GRIN2D: variants seen among roughly 807,000 people sequenced by gnomAD.
GRIN2D encodes the protein glutamate ionotropic receptor NMDA type subunit 2D, also known as glutamate receptor ionotropic, NMDA 2D.
Under a neutral mutation model 103.2 loss-of-function variants are expected in GRIN2D, and 37 were observed. That is an observed-to-expected ratio of 0.36 (90% confidence interval 0.28 to 0.47). GRIN2D has a LOEUF of 0.47. Among genes scored for constraint, GRIN2D ranks in the 20% least tolerant of loss-of-function variants. The probability of loss-of-function intolerance (pLI) is 1.00; values close to 1 mark genes in which losing one functional copy is unlikely to be tolerated. For synonymous variants in GRIN2D, 845 were observed against 885.6 expected, an observed-to-expected ratio of 0.95 and a Z score of 0.81; for missense variants, 1,557 against 1,910.6, an observed-to-expected ratio of 0.81 and a Z score of 3.45.
chr19:48,396,536 T>G (rs1600965956), intron 2 of GRIN2D, among the ~76,000 whole-genome samples: 1 of 136,824 alleles, frequency 7.3e-6, no homozygotes, highest in African/African-American at 2.8e-5. Flanking sequence ...GCCACAGCTG[T>G]GGGTTATTTT....
intron 3 of GRIN2D, 44 bp downstream of exon 3, chr19:48,398,901 A>C (rs1970676548): frequency 7.2e-6 from 9 of 1,255,298 alleles, no homozygotes; most frequent in Non-Finnish European, 8.0e-6. Context: ...AGGGGCGGGG[A>C]CAGCCGCTGA....
rs1463726796 is a variant in GRIN2D, at chr19:48,435,744, G to C, written c.2253-6025G>C. Among the ~76,000 whole-genome samples the C allele has an allele frequency of 3.3e-5, 5 of 152,328 alleles. No homozygotes were observed. In the South Asian group the frequency reaches 1.0e-3, roughly 32 times the overall value. ...TTAGAAGCATGAGCCACCACACCCA[G>C]CCGTCCAGCCATTTCTTAGTAAGCA... On this transcript the variant is annotated intron_variant, in intron 11 of 13. Coordinates refer to ENST00000263269, the MANE Select transcript of GRIN2D (RefSeq NM_000836.4).
intron 3 of GRIN2D, among the ~76,000 whole-genome samples, chr19:48,402,522 C>A (rs1051246672): frequency 1.3e-5 from 2 of 150,968 alleles, no homozygotes; most frequent in African/African-American, 4.9e-5. Flanking sequence ...TCGAGACCAT[C>A]CTGGCTAACA....
In GRIN2D at chr19:48,437,327, C is replaced by T. The variant is rs1479744806; in HGVS notation, c.2253-4442C>T. Among the ~76,000 whole-genome samples, 2 of 152,152 alleles carry T rather than the reference C, an allele frequency of 1.3e-5. 1 individual carries two copies. The highest frequency in any genetic ancestry group is 4.2e-4 in the South Asian group (2 of 4,816). The stretch of plus-strand genomic sequence containing the variant: ...GTAGAGACAGGTCTCCCTTTGTTGC[C>T]CAAGCTGGTCTCGAACTCCTGGACC... On this transcript the variant is annotated intron_variant, in intron 11 of 13. Coordinates refer to ENST00000263269, the MANE Select transcript of GRIN2D (RefSeq NM_000836.4).
chr19:48,436,694 G>A (rs1330872227), intron 11 of GRIN2D, among the ~76,000 whole-genome samples: 2 of 152,220 alleles, frequency 1.3e-5, no homozygotes, highest in East Asian at 3.8e-4. Flanking sequence ...GCAAGATGGA[G>A]TCAGTCAGGC....
chr19:48,426,224 C>CTTTTTTTTTTTTTTCT lies in GRIN2D; in HGVS notation c.2252+4293_2252+4294insCTTTTTTTTTTTTTTT, dbSNP rs1555893888. ...TTTCTTTTTCTTTCTTTCTTTCTTT[C>CTTTTTTTTTTTTTTCT]TTTTTTTTTTTTTTTTTCTGAAACA... On this transcript the variant is annotated intron_variant, in intron 11 of 13. Transcript: ENST00000263269. 1.4e-3 allele frequency among the ~76,000 whole-genome samples: 168 copies of CTTTTTTTTTTTTTTCT among 120,054 alleles called. 2 individuals carry two copies. The highest frequency in any genetic ancestry group is 5.6e-3 in the African/African-American group (156 of 27,904). The allele number at this position is 120,054 out of a possible 152,430, so 78.8% of individuals were successfully genotyped here.
chr19:48,398,533 G>T lies in GRIN2D; in HGVS notation c.141G>T (p.Gly47=), dbSNP rs1162488051. 3.7e-6 allele frequency: 4 copies of T among 1,080,962 alleles called. No individual in the cohort carries two copies. Among genetic ancestry groups the T allele is most frequent in the Non-Finnish European group, 4.5e-6 (4 of 892,506 alleles). 67.0% of individuals were successfully genotyped at this position (1,080,962 alleles called of 1,614,324 possible). A position where few individuals can be genotyped will look rare whatever the true frequency, so the allele number is the denominator to read the frequency against. ...GAGGPGGGLG[G]ARPLNVALVF... ...GTGGGCCCGGCGGCGGCCTCGGCGG[G>T]GCGCGGCCGCTCAACGTGGCGCTCG... Residue 47 remains glycine (G), a synonymous_variant, in exon 3 of 14, where the codon GGG becomes GGT. Transcript: ENST00000263269.
chr19:48,443,513 G>A lies in GRIN2D; in HGVS notation c.3587G>A (p.Ser1196Asn). The change falls in exon 14 of 14, where the codon AGC becomes AAC. Residue 1196 changes from serine to asparagine, a missense_variant. Transcript: ENST00000263269. The surrounding 1 kb of genome is among the most constrained non-coding windows in gnomAD (Gnocchi z 8.9). Reference sequence around the variant, plus strand: ...CTGCTGCCGCCGCCGCGCCATCTCAGCTGCTCGCACGATGGCCTGGACGGC... The same window carrying A: ...CTGCTGCCGCCGCCGCGCCATCTCAACTGCTCGCACGATGGCCTGGACGGC... ...LELLPPPRHL[S>N]CSHDGLDGGW... 3 of 1,349,818 alleles carry A rather than the reference G, an allele frequency of 2.2e-6. No individual in the cohort carries two copies. In the African/African-American group the frequency reaches 4.6e-5, roughly 21 times the overall value. The allele number at this position is 1,349,818 out of a possible 1,614,324, so 83.6% of individuals were successfully genotyped here.
chr19:48,435,492 G>A (rs1470973968), intron 11 of GRIN2D, among the ~76,000 whole-genome samples: 2 of 152,048 alleles, frequency 1.3e-5, no homozygotes, highest in Non-Finnish European at 2.9e-5. Flanking sequence ...GTTTCGCCAT[G>A]TTGGCCAGGC....
In GRIN2D at chr19:48,443,178, C is replaced by G. The variant is rs767835297; in HGVS notation, c.3252C>G (p.Gly1084=). Residue 1084 remains glycine, a synonymous_variant, in exon 14 of 14, where the codon GGC becomes GGG. Transcript: ENST00000263269. The surrounding 1 kb of genome is among the most constrained non-coding windows in gnomAD (Gnocchi z 8.9). ...PGAGGAGGTG[G]AGGGAPAAPP... is the part of the protein sequence containing the mutation. ...CGGGCGGCGCGGGGGGCACGGGGGG[C>G]GCAGGCGGAGGAGCCCCGGCCGCTC... The G allele has an allele frequency of 1.5e-5, 16 of 1,069,390 alleles. No individual in the cohort carries two copies. The South Asian group carries it at 6.0e-4, about 40-fold the overall frequency. The allele number at this position is 1,069,390 out of a possible 1,614,324, so 66.2% of individuals were successfully genotyped here. A position where few individuals can be genotyped will look rare whatever the true frequency, so the allele number is the denominator to read the frequency against.
chr19:48,404,695 C>A, intron 3 of GRIN2D, 39 bp from the exon 4 acceptor site: 2 of 1,542,868 alleles, frequency 1.3e-6, no homozygotes, highest in Non-Finnish European at 1.7e-6. Flanking sequence ...ATAAGGTCCC[C>A]ACATCGGCAG....
intron 4 of GRIN2D, among the ~76,000 whole-genome samples, chr19:48,406,110 GA>G (rs1468419953): frequency 6.6e-6 from 1 of 152,210 alleles, no homozygotes; most frequent in African/African-American, 2.4e-5. Context: ...GAATTAGCTA[GA>G]CGTCTATTCT....
intron 3 of GRIN2D, among the ~76,000 whole-genome samples, chr19:48,403,693 G>C (rs149142803): frequency 5.9e-5 from 9 of 152,288 alleles, no homozygotes; most frequent in African/African-American, 2.2e-4. Flanking sequence ...AGAGAGGTAG[G>C]AGGAAAACCA....
chr19:48,443,465 G>A lies in GRIN2D; in HGVS notation c.3539G>A (p.Cys1180Tyr). 1 of 1,385,266 alleles carries A rather than the reference G, an allele frequency of 7.2e-7. No individual in the cohort carries two copies. Among genetic ancestry groups the A allele is most frequent in the East Asian group, 3.1e-5 (1 of 32,242 alleles). 85.8% of individuals were successfully genotyped at this position (1,385,266 alleles called of 1,614,324 possible). A position where few individuals can be genotyped will look rare whatever the true frequency, so the allele number is the denominator to read the frequency against. Residue 1180 changes from cysteine (C) to tyrosine (Y), a missense_variant, in exon 14 of 14, where the codon TGT (cysteine) becomes TAT (tyrosine). By Grantham distance (194) the Cys-to-Tyr change is radical. This residue lies in a region of GRIN2D where 632 missense variants were observed against 572.8 expected (regional missense o/e 1.10). Coordinates refer to ENST00000263269, the MANE Select transcript of GRIN2D (RefSeq NM_000836.4). The surrounding 1 kb of genome is among the most constrained non-coding windows in gnomAD (Gnocchi z 8.9). Reference sequence around the variant, plus strand: ...CGCAGCGGTCCGGCCGCCTGGCACTGTCGGCACTGCGCCAGCCTGGAGCTG... The same window carrying A: ...CGCAGCGGTCCGGCCGCCTGGCACTATCGGCACTGCGCCAGCCTGGAGCTG... The part of the protein sequence containing the change: ...PPRSGPAAWH[C>Y]RHCASLELLP...
chr19:48,407,275 T>C (rs565576726), intron 4 of GRIN2D, among the ~76,000 whole-genome samples: 2 of 152,026 alleles, frequency 1.3e-5, no homozygotes, highest in East Asian at 1.9e-4. Flanking sequence ...GCCCAGCTGG[T>C]TCTGTCTTTC....
Position 48,405,028 on chromosome 19 carries a change from G to A in GRIN2D, c.760G>A (p.Glu254Lys), listed in dbSNP as rs182928265. The change falls in exon 4 of 14, where the codon GAG becomes AAG. Residue 254 changes from glutamate to lysine, a missense_variant. Transcript: ENST00000263269. This position sits in a 1 kb window ranked among gnomAD's most constrained non-coding sequence, Gnocchi z 5.1. The part of the protein sequence containing the change: ...RLLFCAREEA[E>K]PVFRAAEEAG... ...GCTCTTCTGCGCCCGAGAGGAGGCC[G>A]AGCCCGTGTTCCGCGCAGCTGAGGA... 19 of 1,612,026 alleles carry A rather than the reference G, an allele frequency of 1.2e-5. No homozygotes were observed. The highest frequency in any genetic ancestry group is 1.6e-5 in the Non-Finnish European group (19 of 1,179,280).
chr19:48,439,535 C>T (rs1243258909), intron 11 of GRIN2D, among the ~76,000 whole-genome samples: 1 of 152,178 alleles, frequency 6.6e-6, no homozygotes, highest in African/African-American at 2.4e-5. Flanking sequence ...TGTAAAATGA[C>T]AGCAGTTGTA....
intron 11 of GRIN2D, among the ~76,000 whole-genome samples, chr19:48,428,517 C>A (rs902910469): frequency 6.6e-6 from 1 of 151,992 alleles, no homozygotes; most frequent in African/African-American, 2.4e-5. Flanking sequence ...CGTGTGCCAC[C>A]AAGCCCCGCT....
intron 11 of GRIN2D, among the ~76,000 whole-genome samples, chr19:48,424,393 C>A (rs1479625492): frequency 1.3e-5 from 2 of 150,420 alleles, no homozygotes; most frequent in Non-Finnish European, 2.9e-5. Context: ...GCCTCAGCCT[C>A]CCGAGTAGCT....
Sources: allele counts gnomAD v4.1 joint callset (sites outside exome capture counted in the v4.1 genomes callset), GRCh38; gene constraint gnomAD v4.1.1; regional missense constraint gnomAD v4.1.1; non-coding constraint Gnocchi (gnomAD v3.1); transcripts MANE v1.5; gene names NCBI Gene and HGNC (gene_info 2026-07-23, HGNC 2026-07-21).